AGA: variants seen among roughly 807,000 people sequenced by gnomAD.
The protein encoded by AGA is N(4)-(beta-N-acetylglucosaminyl)-L-asparaginase.
In AGA, 31 loss-of-function variants were observed where a neutral mutation model predicts 40.1. The ratio of observed to expected loss-of-function variants is 0.77; its 90% confidence interval spans 0.58 to 1.04. The LOEUF (loss-of-function observed/expected upper bound fraction) is 1.04. Ranked by LOEUF, AGA falls within the 50% of genes least tolerant of loss-of-function variation. The probability of loss-of-function intolerance (pLI) is 0.00; values close to 1 mark genes in which losing one functional copy is unlikely to be tolerated. For synonymous variants in AGA, 148 were observed against 144.0 expected (o/e 1.03, Z -0.20); for missense variants, 445 against 435.4 (o/e 1.02, Z -0.20).
chr4:177,435,953 CACAT>C (rs949265524), intron 6 of AGA, among the ~76,000 whole-genome samples: 2 of 151,044 alleles, frequency 1.3e-5, no homozygotes, highest in African/African-American at 2.5e-5. Flanking sequence ...AACACACACA[CACAT>C]ATACACACAC....
At chr4:177,434,790 G>A (rs935301118) in intron 6 of AGA, among the ~76,000 whole-genome samples, 1 of 152,166 alleles carries the variant, frequency 6.6e-6, no homozygotes, top group South Asian at 2.1e-4. Context: ...CGAGATGCGG[G>A]TCAAAGGACA....
chr4:177,432,930 C>T (rs1736675784), intron 8 of AGA, among the ~76,000 whole-genome samples: 2 of 152,132 alleles, frequency 1.3e-5, no homozygotes, highest in Non-Finnish European at 2.9e-5. Flanking sequence ...CCTATGTCAA[C>T]GTGTACTGGA....
chr4:177,435,690 C>T (rs1009182576), intron 6 of AGA, among the ~76,000 whole-genome samples: 4 of 152,020 alleles, frequency 2.6e-5, no homozygotes, highest in Non-Finnish European at 2.9e-5. Flanking sequence ...ACTTCCCCTA[C>T]CCCAAAATAC....
At position 177,436,266 on chromosome 4, in the gene AGA, A is replaced by G. The variant is rs756908895; in HGVS notation, c.698+10T>C. 8 of 1,605,420 alleles carry G rather than the reference A, an allele frequency of 5.0e-6. No homozygotes were observed. Among genetic ancestry groups the G allele is most frequent in the Non-Finnish European group, 6.8e-6 (8 of 1,172,352 alleles). ...ATATTTGAGAGCTCTGTTCTTTTGGAAACACTAACCCATGTATTTTGAATT... is the reference window on the plus strand; with the variant it reads ...ATATTTGAGAGCTCTGTTCTTTTGGGAACACTAACCCATGTATTTTGAATT... On this transcript the variant is annotated intron_variant, in intron 6 of 8. Transcript: ENST00000264595.
intron 8 of AGA, among the ~76,000 whole-genome samples, 165 bp downstream of exon 8, chr4:177,433,049 T>C (rs1736678231): frequency 6.6e-6 from 1 of 152,340 alleles, no homozygotes. Context: ...GGTATATTTT[T>C]AACGCTGTGG....
chr4:177,432,078 G>A (rs1303376323), intron 8 of AGA, among the ~76,000 whole-genome samples: 1 of 152,106 alleles, frequency 6.6e-6, no homozygotes, highest in Non-Finnish European at 1.5e-5. Flanking sequence ...TCACTGCTAC[G>A]ATTATTTAAC....
chr4:177,435,130 C>T (rs373219876), intron 6 of AGA, among the ~76,000 whole-genome samples: 5 of 151,720 alleles, frequency 3.3e-5, no homozygotes, highest in African/African-American at 7.3e-5. Context: ...AGGCTGGTCT[C>T]GAACTCCTGA....
intron 2 of AGA, 84 bp from the exon 3 acceptor site, chr4:177,439,772 G>A (rs1034119943): frequency 2.9e-6 from 3 of 1,017,312 alleles, no homozygotes; most frequent in Non-Finnish European, 3.1e-6. Context: ...CCAATCAATA[G>A]TGTTTTGCGG....
chr4:177,441,645 A>ACTGT (rs1287229410), intron 1 of AGA, among the ~76,000 whole-genome samples: 6 of 152,132 alleles, frequency 3.9e-5, no homozygotes, highest in African/African-American at 1.4e-4. Flanking sequence ...TTTAAAGAAA[A>ACTGT]ACAGTGGCCC....
At chr4:177,432,046 T>C (rs928357535) in intron 8 of AGA, among the ~76,000 whole-genome samples, 18 of 152,030 alleles carry the variant, frequency 1.2e-4, no homozygotes, top group African/African-American at 3.9e-4. Flanking sequence ...TTTGTTGTTG[T>C]TGTTGATCTA....
rs755523680 is a variant in AGA at position 177,434,471 on chromosome 4, T to C, written c.717A>G (p.Pro239=). The C allele has an allele frequency of 6.2e-7, 1 of 1,613,920 alleles. No homozygotes were observed. Among genetic ancestry groups the C allele is most frequent in the Non-Finnish European group, 8.5e-7 (1 of 1,179,856 alleles). The change falls in exon 7 of 9, where the codon CCA becomes CCG. Residue 239 remains proline (P), a synonymous_variant. Coordinates refer to ENST00000264595, the MANE Select transcript of AGA (RefSeq NM_000027.4). ...CAGCATAGGCTCCAGCTCCAGGTATTGGTGAGTCTCCTACACGGCTTTGAG... is the reference window on the plus strand; with the variant it reads ...CAGCATAGGCTCCAGCTCCAGGTATCGGTGAGTCTCCTACACGGCTTTGAG... ...FKIHGRVGDS[P]IPGAGAYADD...
intron 8 of AGA, 39 bp from the exon 9 acceptor site, chr4:177,431,847 G>A: frequency 6.6e-7 from 1 of 1,514,730 alleles, no homozygotes; most frequent in Non-Finnish European, 9.2e-7. Context: ...GTGAACTATA[G>A]GATGCACATA....
At chr4:177,434,712 A>C (rs547778561) in intron 6 of AGA, among the ~76,000 whole-genome samples, 1 of 152,248 alleles carries the variant, frequency 6.6e-6, no homozygotes, top group East Asian at 1.9e-4. Flanking sequence ...TGGAGTGTAC[A>C]ACAGCTGAAC....
At chr4:177,439,523 T>G (rs568901601) in intron 3 of AGA, 53 bp downstream of exon 3, 1 of 1,293,852 alleles carries the variant, frequency 7.7e-7, no homozygotes, top group East Asian at 2.3e-5. Context: ...TATTTTTCAG[T>G]GAAAACTATA....
At chr4:177,441,851 A>C (rs956659653) in intron 1 of AGA, among the ~76,000 whole-genome samples, 3 of 152,222 alleles carry the variant, frequency 2.0e-5, no homozygotes, top group African/African-American at 7.2e-5. Flanking sequence ...TTAGTCGTCT[A>C]CAAAATTGCA....
At chr4:177,433,106 T>G in intron 8 of AGA, 108 bp downstream of exon 8, 2 of 1,482,456 alleles carry the variant, frequency 1.3e-6, no homozygotes, top group South Asian at 2.3e-5. Context: ...ACTTAAGGAG[T>G]CTCTTTTTCT....
At position 177,437,528 on chromosome 4, in the gene AGA, A is replaced by G; in HGVS notation, c.508-9T>C. The G allele has an allele frequency of 2.5e-6, 4 of 1,570,864 alleles. No individual in the cohort carries two copies. Among genetic ancestry groups the G allele is most frequent in the Non-Finnish European group, 3.5e-6 (4 of 1,141,012 alleles). ...GGATCTGGTATAACATTCTGTAAAC[A>G]AGATTTAAGTTTTATTTCTTACAAA... On this transcript the variant is annotated splice_polypyrimidine_tract_variant and intron_variant, in intron 4 of 8. Transcript: ENST00000264595.
intron 4 of AGA, among the ~76,000 whole-genome samples, chr4:177,438,248 T>A (rs550718555): frequency 1.1e-4 from 17 of 152,140 alleles, no homozygotes; most frequent in African/African-American, 3.9e-4. Flanking sequence ...GACTAAGATA[T>A]CCCACAGAAG....
At chr4:177,433,053 G>T (rs919056987) in intron 8 of AGA, among the ~76,000 whole-genome samples, 161 bp downstream of exon 8, 1 of 152,134 alleles carries the variant, frequency 6.6e-6, no homozygotes, top group African/African-American at 2.4e-5. Context: ...TATTTTTAAC[G>T]CTGTGGGTCT....
Sources: gnomAD v4.1 joint callset for allele counts (sites outside exome capture counted in the v4.1 genomes callset) on GRCh38, gnomAD v4.1.1 for gene constraint, MANE v1.5 for transcripts, NCBI Gene and HGNC (gene_info 2026-07-23, HGNC 2026-07-21) for gene names.